Variants in CPQ observed in about 807,000 individuals in gnomAD.
CPQ encodes Ser-Met dipeptidase.
CPQ carries 37 observed loss-of-function variants against 45.7 expected under a neutral mutation model. That is an observed-to-expected ratio of 0.81 (90% CI 0.62 to 1.07). The LOEUF is 1.07. CPQ is among the 50% of genes least tolerant of loss of function. CPQ has a pLI of 0.00. For synonymous variants in CPQ, 186 were observed against 205.8 expected (o/e 0.90, Z 0.82); for missense variants, 537 against 572.9 (o/e 0.94, Z 0.64).
In CPQ at chr8:96,677,692, ATTTTTG is replaced by A. The variant is rs141282262; in HGVS notation, c.-35+32299_-35+32304del. 8.6e-3 allele frequency among the ~76,000 whole-genome samples: 1,310 copies of A among 151,834 alleles called. 19 individuals carry two copies. The highest frequency in any genetic ancestry group is 0.03 in the African/African-American group (1,232 of 41,426). On this transcript the variant is annotated intron_variant, in intron 1 of 7. Coordinates refer to ENST00000220763, the MANE Select transcript of CPQ (RefSeq NM_016134.4). Reference sequence around the variant, plus strand: ...TAGTTTAATTGGGTCCCATTTATTTATTTTTGTTTTTGTTACATTTGCTTTTGCAGT... The same window carrying A: ...TAGTTTAATTGGGTCCCATTTATTTATTTTTGTTACATTTGCTTTTGCAGT...
intron 7 of CPQ, among the ~76,000 whole-genome samples, chr8:97,112,160 TTA>T (rs1404614707): frequency 7.5e-6 from 1 of 133,528 alleles, no homozygotes; most frequent in African/African-American, 3.1e-5. Flanking sequence ...TATTTTTTTT[TTA>T]TTTTTTTTTT....
chr8:96,897,812 T>G (rs749448605), intron 4 of CPQ, among the ~76,000 whole-genome samples: 31 of 152,104 alleles, frequency 2.0e-4, no homozygotes, highest in Admixed American at 3.3e-4. Flanking sequence ...TGTTTGTTTG[T>G]TTGGTTGGTT....
chr8:96,992,447 T>C (rs1809109707), intron 5 of CPQ, among the ~76,000 whole-genome samples: 1 of 152,108 alleles, frequency 6.6e-6, no homozygotes, highest in Admixed American at 6.6e-5. Context: ...AAAGAAATAA[T>C]TATATGTGTG....
At chr8:96,778,801 T>C (rs902434079) in intron 1 of CPQ, among the ~76,000 whole-genome samples, 3 of 152,124 alleles carry the variant, frequency 2.0e-5, no homozygotes, top group African/African-American at 7.2e-5. Context: ...GTGTGGTGGC[T>C]CACGCCTGTA....
intron 4 of CPQ, among the ~76,000 whole-genome samples, chr8:96,938,699 T>C (rs554346065): frequency 2.5e-4 from 38 of 152,258 alleles, no homozygotes; most frequent in African/African-American, 6.7e-4. Flanking sequence ...AGCGCCCCCA[T>C]TGACTGAACC....
At chr8:96,826,279 C>T (rs918390247) in intron 2 of CPQ, among the ~76,000 whole-genome samples, 5 of 152,036 alleles carry the variant, frequency 3.3e-5, no homozygotes, top group Admixed American at 2.6e-4. Flanking sequence ...TTTCACTGAA[C>T]AATCTTCCCT....
At chr8:97,082,090 A>G (rs2513353) in intron 7 of CPQ, among the ~76,000 whole-genome samples, 82,491 of 151,986 alleles carry the variant, frequency 0.54, 23,249 homozygotes, top group Non-Finnish European at 0.63. Flanking sequence ...ATGATCTGAA[A>G]CAAAAATGGG....
Position 96,810,662 on chromosome 8 carries a change from G to A in CPQ, c.434-24311G>A, listed in dbSNP as rs73277780. Among the ~76,000 whole-genome samples, 1,255 of 152,202 alleles carry A rather than the reference G, an allele frequency of 8.2e-3. 21 individuals carry two copies. Among genetic ancestry groups the A allele is most frequent in the African/African-American group, 0.028 (1,175 of 41,538 alleles). ...TATAGCAATGTAAACCAAACCAAACGGATAAAATATATTCACCTTCAACTT... is the reference window on the plus strand; with the variant it reads ...TATAGCAATGTAAACCAAACCAAACAGATAAAATATATTCACCTTCAACTT... On this transcript the variant is annotated intron_variant, in intron 2 of 7. Coordinates refer to ENST00000220763, the MANE Select transcript of CPQ (RefSeq NM_016134.4).
intron 5 of CPQ, 72 bp downstream of exon 5, chr8:96,966,118 C>T: frequency 9.5e-7 from 1 of 1,050,310 alleles, no homozygotes; most frequent in Non-Finnish European, 1.4e-6. Flanking sequence ...ACACAAAATA[C>T]TTAACAGATT....
chr8:97,104,938 C>T (rs183372907), intron 7 of CPQ, among the ~76,000 whole-genome samples: 122 of 152,328 alleles, frequency 8.0e-4, no homozygotes, highest in African/African-American at 2.6e-3. Flanking sequence ...CACTGAGAGT[C>T]TTTTCCTAAC....
chr8:96,837,695 C>T (rs893658580), intron 3 of CPQ, among the ~76,000 whole-genome samples: 1 of 152,172 alleles, frequency 6.6e-6, no homozygotes, highest in Non-Finnish European at 1.5e-5. Context: ...CATACCACTG[C>T]CGCCAGCTCT....
chr8:96,907,857 A>T (rs1812598522), intron 4 of CPQ, among the ~76,000 whole-genome samples: 1 of 152,168 alleles, frequency 6.6e-6, no homozygotes, highest in Admixed American at 6.5e-5. Flanking sequence ...TGATAGGAAA[A>T]TGTTGGCAGA....
intron 7 of CPQ, among the ~76,000 whole-genome samples, chr8:97,122,683 G>C (rs1376349356): frequency 6.6e-6 from 1 of 151,658 alleles, no homozygotes; most frequent in Non-Finnish European, 1.5e-5. Flanking sequence ...TCCGGAGTTT[G>C]AGAACAGGCT....
chr8:97,142,536 A>C (rs1812184835), intron 7 of CPQ, among the ~76,000 whole-genome samples: 1 of 152,240 alleles, frequency 6.6e-6, no homozygotes, highest in Non-Finnish European at 1.5e-5. Flanking sequence ...GTGCAGATAC[A>C]AAGAAGATAC....
intron 4 of CPQ, among the ~76,000 whole-genome samples, chr8:96,952,332 A>G (rs1410860379): frequency 6.6e-6 from 1 of 151,872 alleles, no homozygotes; most frequent in Non-Finnish European, 1.5e-5. Context: ...GGAAAAGTAG[A>G]ATGTTGGCCA....
chr8:96,917,233 C>T (rs1812745461), intron 4 of CPQ, among the ~76,000 whole-genome samples: 1 of 152,130 alleles, frequency 6.6e-6, no homozygotes, highest in African/African-American at 2.4e-5. Context: ...CATAATTCTT[C>T]CACACAGGAG....
intron 4 of CPQ, among the ~76,000 whole-genome samples, chr8:96,922,341 GA>G (rs200064740): frequency 8.6e-5 from 13 of 151,148 alleles, no homozygotes; most frequent in South Asian, 2.1e-4. Context: ...TTGGAAAAAA[GA>G]AAAAAAAATC....
chr8:97,080,076 C>A (rs1433750308), intron 7 of CPQ, among the ~76,000 whole-genome samples: 1 of 152,126 alleles, frequency 6.6e-6, no homozygotes, highest in African/African-American at 2.4e-5. Context: ...ACAAAACCCA[C>A]CCTCATAGAT....
chr8:96,849,375 T>C (rs1373721107), intron 3 of CPQ, among the ~76,000 whole-genome samples: 1 of 152,228 alleles, frequency 6.6e-6, no homozygotes, highest in Non-Finnish European at 1.5e-5. Flanking sequence ...ACTGTCTCCA[T>C]GCTTTCACTG....
Sources: gnomAD v4.1 joint callset for allele counts (sites outside exome capture counted in the v4.1 genomes callset) on GRCh38, gnomAD v4.1.1 for gene constraint, MANE v1.5 for transcripts, NCBI Gene and HGNC (gene_info 2026-07-23, HGNC 2026-07-21) for gene names.